CACNA1C: variants seen among roughly 807,000 people sequenced by gnomAD.
CACNA1C encodes the protein voltage-dependent L-type calcium channel subunit alpha-1C.
In CACNA1C, 30 loss-of-function variants were observed where a neutral mutation model predicts 229.0. The ratio of observed to expected loss-of-function variants is 0.13; its 90% CI spans 0.10 to 0.18. The LOEUF is 0.18. Among genes scored for constraint, CACNA1C ranks in the 10% least tolerant of loss-of-function variants. The pLI is 1.00. For missense variants in CACNA1C, 1,658 were observed against 2,845.0 expected, an observed-to-expected ratio of 0.58 and a Z score of 9.49; for synonymous variants, 1,114 against 1,132.5, an observed-to-expected ratio of 0.98 and a Z score of 0.33.
At chr12:2,565,198 G>C (rs558264053) in intron 11 of CACNA1C, among the ~76,000 whole-genome samples, 4 of 152,030 alleles carry the variant, frequency 2.6e-5, no homozygotes, top group Admixed American at 6.6e-5. Flanking sequence ...GCCGGGCGCG[G>C]TGGCTCACGC....
intron 3 of CACNA1C, among the ~76,000 whole-genome samples, chr12:2,249,099 C>T (rs950673113): frequency 6.6e-6 from 1 of 152,192 alleles, no homozygotes; most frequent in African/African-American, 2.4e-5. Flanking sequence ...GAGGTAAGGA[C>T]TCTGGGGCCA....
chr12:2,357,920 G>A (rs1223617779), intron 3 of CACNA1C, among the ~76,000 whole-genome samples: 1 of 146,254 alleles, frequency 6.8e-6, no homozygotes, highest in Admixed American at 7.0e-5. Context: ...ACAGTGAGCT[G>A]AGATCATGCC....
chr12:2,231,082 C>A (rs1176475722), intron 3 of CACNA1C, among the ~76,000 whole-genome samples: 2 of 152,174 alleles, frequency 1.3e-5, no homozygotes, highest in Non-Finnish European at 2.9e-5. Flanking sequence ...CCGGCTTAAG[C>A]CCCTTTCTTC....
At chr12:2,545,726 A>G (rs560252300) in intron 9 of CACNA1C, among the ~76,000 whole-genome samples, 4 of 152,396 alleles carry the variant, frequency 2.6e-5, no homozygotes, top group South Asian at 2.1e-4. Context: ...AATTCCAACA[A>G]TGCAAAAAAC....
intron 3 of CACNA1C, among the ~76,000 whole-genome samples, chr12:2,179,785 C>A (rs1267958790): frequency 1.3e-5 from 2 of 152,180 alleles, no homozygotes; most frequent in African/African-American, 4.8e-5. Flanking sequence ...TGGATATATG[C>A]TTGCTCCACG....
chr12:2,168,093 C>T (rs76370001), intron 3 of CACNA1C, among the ~76,000 whole-genome samples: 5,243 of 152,052 alleles, frequency 0.034, 129 homozygotes, highest in Admixed American at 0.055. Context: ...TGTGTGCATG[C>T]GTGTGTTACA....
At chr12:2,146,247 T>C (rs2094695891) in intron 3 of CACNA1C, among the ~76,000 whole-genome samples, 2 of 151,078 alleles carry the variant, frequency 1.3e-5, no homozygotes, top group Non-Finnish European at 3.0e-5. Context: ...GTAATGGTAG[T>C]TGAGAGAAGG....
chr12:1,989,942 T>C (rs1010940738), intron 1 of CACNA1C, among the ~76,000 whole-genome samples: 10 of 152,244 alleles, frequency 6.6e-5, no homozygotes, highest in African/African-American at 2.2e-4. Context: ...ATAACTGATA[T>C]ATGCTTGAAT....
At chr12:2,165,555 A>T (rs910233462) in intron 3 of CACNA1C, among the ~76,000 whole-genome samples, 15 of 152,228 alleles carry the variant, frequency 9.9e-5, no homozygotes, top group Non-Finnish European at 1.9e-4. Context: ...AACCTTGGAT[A>T]CCTCAATCTT....
At chr12:2,273,046 T>G (rs1282131740) in intron 3 of CACNA1C, among the ~76,000 whole-genome samples, 2 of 152,208 alleles carry the variant, frequency 1.3e-5, no homozygotes, top group East Asian at 3.8e-4. Flanking sequence ...GACTTTTTTA[T>G]CTTTTCCAAT....
intron 3 of CACNA1C, among the ~76,000 whole-genome samples, chr12:2,438,263 GTGGTGGTGGTAATGATAGTGGTAATGA>G (rs1311738562): frequency 6.9e-6 from 1 of 145,626 alleles, no homozygotes; most frequent in Non-Finnish European, 1.5e-5. Flanking sequence ...GATGGTGATG[GTGGTGGTGGTAATGATAGTGGTAATGA>G]TGGTGGTGGT....
chr12:2,582,873 T>C lies in CACNA1C; in HGVS notation c.2155T>C (p.Tyr719His). 2 of 1,611,500 alleles carry C rather than the reference T, an allele frequency of 1.2e-6. No individual in the cohort carries two copies. Among genetic ancestry groups the C allele is most frequent in the Non-Finnish European group, 1.7e-6 (2 of 1,178,540 alleles). The stretch of plus-strand genomic sequence containing the variant: ...GGTGATGTATGATGGGATCATGGCT[T>C]ATGGCGGCCCCTCTTTTCCAGGGAT... Reference protein sequence around the residue: ...NSVMYDGIMAYGGPSFPGMLV... With the variant: ...NSVMYDGIMAHGGPSFPGMLV... Residue 719 changes from tyrosine to histidine, a missense_variant, in exon 15 of 47, where the codon TAT (tyrosine) becomes CAT (histidine). Around this residue, in one of 20 missense-constraint regions of CACNA1C, gnomAD observed 30 missense variants for 73.2 expected, o/e 0.41. Transcript: ENST00000399655.
intron 8 of CACNA1C, among the ~76,000 whole-genome samples, chr12:2,506,539 A>G (rs776073139): frequency 7.9e-5 from 12 of 152,236 alleles, no homozygotes; most frequent in Non-Finnish European, 1.8e-4. Context: ...TAAGTGCCCA[A>G]TAATGGTGCT....
intron 1 of CACNA1C, chr12:1,991,201 G>A (rs775522708): frequency 2.2e-6 from 1 of 456,040 alleles, no homozygotes; most frequent in South Asian, 1.5e-5. Context: ...AGAATCTGTG[G>A]GTTTTTACAC....
chr12:2,486,216 C>T lies in CACNA1C; in HGVS notation c.870C>T (p.Phe290=). The T allele has an allele frequency of 6.2e-7, 1 of 1,613,738 alleles. No homozygotes were observed. The highest frequency in any genetic ancestry group is 8.5e-7 in the Non-Finnish European group (1 of 1,179,772). ...ACGCCATCATCGGCTTGGAGCTCTT[C>T]ATGGGGAAGATGCACAAGACCTGCT... ...IIYAIIGLEL[F]MGKMHKTCYN... The change falls in exon 6 of 47, where the codon TTC becomes TTT. Residue 290 remains phenylalanine, a synonymous_variant. Coordinates refer to ENST00000399655, the MANE Select transcript of CACNA1C (RefSeq NM_000719.7). This position sits in a 1 kb window ranked among gnomAD's most constrained non-coding sequence, Gnocchi z 4.9.
chr12:2,214,962 G>A (rs561660304), intron 3 of CACNA1C, among the ~76,000 whole-genome samples: 9 of 152,098 alleles, frequency 5.9e-5, no homozygotes, highest in African/African-American at 1.9e-4. Context: ...TTCTCCCCAC[G>A]TCCCCTTTCC....
At chr12:2,190,612 A>G (rs1053346247) in intron 3 of CACNA1C, among the ~76,000 whole-genome samples, 1 of 152,188 alleles carries the variant, frequency 6.6e-6, no homozygotes, top group African/African-American at 2.4e-5. Context: ...AAGGAGGTCA[A>G]TCCAGTGGGA....
At chr12:2,412,505 G>T (rs996520029) in intron 3 of CACNA1C, among the ~76,000 whole-genome samples, 1 of 152,212 alleles carries the variant, frequency 6.6e-6, no homozygotes, top group African/African-American at 2.4e-5. Flanking sequence ...AGGCGCCCCC[G>T]CGGCCAGAGG....
At chr12:2,075,527 G>C (rs1279377505) in intron 1 of CACNA1C, among the ~76,000 whole-genome samples, 2 of 152,230 alleles carry the variant, frequency 1.3e-5, no homozygotes, top group African/African-American at 2.4e-5. Flanking sequence ...TAGGCAGCTT[G>C]TTTTCTGAGC....
Sources: allele counts gnomAD v4.1 joint callset (sites outside exome capture counted in the v4.1 genomes callset), GRCh38; gene constraint gnomAD v4.1.1; regional missense constraint gnomAD v4.1.1; non-coding constraint Gnocchi (gnomAD v3.1); transcripts MANE v1.5; gene names NCBI Gene and HGNC (gene_info 2026-07-23, HGNC 2026-07-21).